Variants in NETO1 observed in about 807,000 individuals in gnomAD.
NETO1 encodes the protein neuropilin and tolloid-like protein 1.
A neutral mutation model predicts 61.3 loss-of-function variants in NETO1; 26 were observed. That is an observed-to-expected ratio of 0.42 (90% CI 0.31 to 0.59). The LOEUF (loss-of-function observed/expected upper bound fraction) is 0.59. Among genes scored for constraint, NETO1 ranks in the 20% least tolerant of loss-of-function variants. NETO1 has a pLI of 0.12. For synonymous variants in NETO1, 225 were observed against 225.8 expected, an observed-to-expected ratio of 1.00 and a Z score of 0.03; for missense variants, 531 against 662.8, an observed-to-expected ratio of 0.80 and a Z score of 2.18.
intron 4 of NETO1, among the ~76,000 whole-genome samples, chr18:72,848,821 C>A (rs1180586346): frequency 1.3e-5 from 2 of 152,174 alleles, no homozygotes; most frequent in African/African-American, 4.8e-5. Flanking sequence ...TTCTGACGCC[C>A]TTTTTCCATT....
intron 7 of NETO1, among the ~76,000 whole-genome samples, chr18:72,773,937 C>T (rs2071459568): frequency 6.6e-6 from 1 of 151,808 alleles, no homozygotes; most frequent in Admixed American, 6.6e-5. Flanking sequence ...TTCTTTATTA[C>T]AAATAAATCT....
Position 72,851,414 on chromosome 18 carries a change from C to CAAAAAAAAAAA in NETO1, c.469+7411_469+7412insTTTTTTTTTTT, listed in dbSNP as rs570774226. Among the ~76,000 whole-genome samples the CAAAAAAAAAAA allele has an allele frequency of 7.2e-4, 107 of 149,110 alleles. 4 individuals are homozygous for CAAAAAAAAAAA. Among genetic ancestry groups the CAAAAAAAAAAA allele is most frequent in the African/African-American group, 2.4e-3 (95 of 39,730 alleles). On this transcript the variant is annotated intron_variant, in intron 4 of 10. Transcript: ENST00000327305. ...CAACAAGAGCGAAACTCCCTCAAAA[C>CAAAAAAAAAAA]AAAAAAAGAAAAAAGAAAGAAAGAA...
intron 7 of NETO1, among the ~76,000 whole-genome samples, chr18:72,781,955 A>C (rs896692098): frequency 4.6e-5 from 7 of 152,094 alleles, no homozygotes; most frequent in Non-Finnish European, 8.8e-5. Flanking sequence ...CCCATATAAT[A>C]AGCATAGTAC....
chr18:72,853,569 C>T (rs139989388), intron 4 of NETO1, among the ~76,000 whole-genome samples: 49 of 151,964 alleles, frequency 3.2e-4, no homozygotes, highest in Middle Eastern at 6.8e-3. Context: ...ACTGGTCTGG[C>T]CAACATGGTG....
At chr18:72,836,928 T>C (rs2073769086) in intron 4 of NETO1, among the ~76,000 whole-genome samples, 1 of 152,110 alleles carries the variant, frequency 6.6e-6, no homozygotes, top group African/African-American at 2.4e-5. Context: ...ATGTAATGCC[T>C]GTAGGAATGG....
At chr18:72,840,078 T>C (rs2073882129) in intron 4 of NETO1, among the ~76,000 whole-genome samples, 1 of 152,210 alleles carries the variant, frequency 6.6e-6, no homozygotes, top group South Asian at 2.1e-4. Context: ...GAAAACAGTA[T>C]GGTTTTCAGT....
At chr18:72,793,385 T>C (rs1349626161) in intron 6 of NETO1, among the ~76,000 whole-genome samples, 2 of 152,162 alleles carry the variant, frequency 1.3e-5, no homozygotes, top group African/African-American at 4.8e-5. Flanking sequence ...ATCACCATAG[T>C]TGTGCTATGG....
At chr18:72,833,207 CA>C (rs1158229702) in intron 4 of NETO1, among the ~76,000 whole-genome samples, 2 of 152,146 alleles carry the variant, frequency 1.3e-5, no homozygotes, top group Non-Finnish European at 2.9e-5. Flanking sequence ...ACAGCTTTCC[CA>C]AAATATGAAT....
At chr18:72,755,024 C>A (rs2070740601) in intron 8 of NETO1, among the ~76,000 whole-genome samples, 1 of 152,176 alleles carries the variant, frequency 6.6e-6, no homozygotes, top group Admixed American at 6.6e-5. Context: ...CTAAAGGAAT[C>A]ATTTTTCTTT....
At chr18:72,820,231 T>C (rs926803468) in intron 4 of NETO1, among the ~76,000 whole-genome samples, 1 of 152,214 alleles carries the variant, frequency 6.6e-6, no homozygotes. Flanking sequence ...TTTACTTTGC[T>C]TGTTTTAGGA....
chr18:72,771,645 G>A (rs554260920), intron 7 of NETO1, among the ~76,000 whole-genome samples: 22 of 152,234 alleles, frequency 1.4e-4, no homozygotes, highest in Non-Finnish European at 2.9e-4. Context: ...TCTGATGCTG[G>A]AGTGATTGTT....
rs1381307033 is a variant in NETO1 at position 72,846,621 on chromosome 18, A to ACAGAAAAT, written c.469+12197_469+12204dup. ...AATGTCAAAGGTAAAACACTTATAA[A>ACAGAAAAT]CAGAAAATAAGCATATTTGTATTTT... is the stretch of plus-strand genomic sequence containing the variant. On this transcript the variant is annotated intron_variant, in intron 4 of 10. Transcript: ENST00000327305. Among the ~76,000 whole-genome samples the ACAGAAAAT allele has an allele frequency of 2.1e-4, 31 of 150,840 alleles. No homozygotes were observed. In the East Asian group the frequency reaches 3.9e-3, roughly 19 times the overall value.
At chr18:72,794,086 T>C in intron 6 of NETO1, 31 bp downstream of exon 6, 2 of 1,614,052 alleles carry the variant, frequency 1.2e-6, no homozygotes, top group Non-Finnish European at 1.7e-6. Context: ...CAACGTCAGC[T>C]GTCAAGTGTG....
At chr18:72,777,089 A>G (rs1283138021) in intron 7 of NETO1, among the ~76,000 whole-genome samples, 1 of 152,214 alleles carries the variant, frequency 6.6e-6, no homozygotes, top group Non-Finnish European at 1.5e-5. Context: ...AAGAAGCAGC[A>G]GGTCCCCAGC....
Position 72,856,792 on chromosome 18 carries a change from G to A in NETO1, c.469+2034C>T, listed in dbSNP as rs1387016658. 2.6e-5 allele frequency among the ~76,000 whole-genome samples: 4 copies of A among 152,228 alleles called. No homozygotes were observed. In the East Asian group the frequency reaches 5.8e-4, roughly 22 times the overall value. On this transcript the variant is annotated intron_variant, in intron 4 of 10. Transcript: ENST00000327305. ...TCACTGCAGAGCCCTGGCAATTCTC[G>A]TAACGCTTCATAACATAAATCATTA...
At chr18:72,757,928 T>C (rs911994109) in intron 7 of NETO1, among the ~76,000 whole-genome samples, 1 of 152,174 alleles carries the variant, frequency 6.6e-6, no homozygotes, top group Non-Finnish European at 1.5e-5. Context: ...AAATACTTAT[T>C]ACCTAACAAA....
chr18:72,814,976 T>C (rs2072987050), intron 4 of NETO1, among the ~76,000 whole-genome samples: 2 of 152,186 alleles, frequency 1.3e-5, no homozygotes, highest in South Asian at 4.1e-4. Flanking sequence ...ACAATTATTA[T>C]AAAAATACTA....
rs142402943 is a variant in NETO1, at chr18:72,786,957, A to C, written c.640-3051T>G. The stretch of plus-strand genomic sequence containing the variant: ...AAGGCTGGAGCAAAGAAGAAAAAAA[A>C]TAATAACTTGCTCCAGGATCATAAG... On this transcript the variant is annotated intron_variant, in intron 6 of 10. Coordinates refer to ENST00000327305, the MANE Select transcript of NETO1 (RefSeq NM_138966.5). Among the ~76,000 whole-genome samples the C allele has an allele frequency of 6.6e-5, 10 of 151,714 alleles. No homozygotes were observed. In the East Asian group the frequency reaches 1.4e-3, roughly 21 times the overall value.
downstream of NETO1, among the ~76,000 whole-genome samples, chr18:72,743,590 G>T (rs1001701912): frequency 6.6e-6 from 1 of 152,122 alleles, no homozygotes. Context: ...TAAGCAGTCT[G>T]CCTTCTACAG....
Sources: allele counts gnomAD v4.1 joint callset (sites outside exome capture counted in the v4.1 genomes callset), GRCh38; gene constraint gnomAD v4.1.1; transcripts MANE v1.5; gene names NCBI Gene and HGNC (gene_info 2026-07-23, HGNC 2026-07-21).